COL5A2: variants seen among roughly 807,000 people sequenced by gnomAD.
COL5A2 encodes the protein collagen alpha-2(V) chain.
Under a neutral mutation model 208.2 loss-of-function variants are expected in COL5A2, and 23 were observed. That is an observed-to-expected ratio of 0.11 (90% CI 0.08 to 0.16). The LOEUF is 0.16. Among genes scored for constraint, COL5A2 ranks in the 10% least tolerant of loss-of-function variants. The pLI is 1.00. For synonymous variants in COL5A2, 625 were observed against 628.5 expected (o/e 0.99, Z 0.08); for missense variants, 1,590 against 1,956.4 (o/e 0.81, Z 3.53).
At chr2:189,123,888 G>C (rs1002505981) in intron 1 of COL5A2, among the ~76,000 whole-genome samples, 3 of 152,028 alleles carry the variant, frequency 2.0e-5, no homozygotes, top group Non-Finnish European at 4.4e-5. Context: ...AAAAATATAC[G>C]CCCATAACTA....
At chr2:189,082,092 AG>A (rs1266943627) in intron 12 of COL5A2, among the ~76,000 whole-genome samples, 1 of 152,202 alleles carries the variant, frequency 6.6e-6, no homozygotes, top group Non-Finnish European at 1.5e-5. Flanking sequence ...AACTAAATAA[AG>A]AAATGGTTTG....
chr2:189,265,056 CA>C, the COL5A2 span, among the ~76,000 whole-genome samples: 1 of 152,108 alleles, frequency 6.6e-6, no homozygotes, highest in East Asian at 1.9e-4. Context: ...CCAAAGGTTA[CA>C]AAAATCCCTG....
the COL5A2 span, among the ~76,000 whole-genome samples, chr2:189,397,366 T>C: frequency 2.6e-5 from 4 of 152,270 alleles, no homozygotes; most frequent in Non-Finnish European, 5.9e-5. Flanking sequence ...ACATAAGCAA[T>C]GTAGTAAGAA....
At chr2:189,275,209 A>G in the COL5A2 span, among the ~76,000 whole-genome samples, 1 of 152,056 alleles carries the variant, frequency 6.6e-6, no homozygotes, top group African/African-American at 2.4e-5. Context: ...TTTTGCATAG[A>G]AGTTATTAAT....
the COL5A2 span, among the ~76,000 whole-genome samples, chr2:189,434,560 T>C: frequency 1.3e-5 from 2 of 152,222 alleles, no homozygotes; most frequent in East Asian, 1.9e-4. Flanking sequence ...AAATCATGAG[T>C]GCACTCCCAT....
At chr2:189,403,036 C>T in the COL5A2 span, among the ~76,000 whole-genome samples, 1 of 152,226 alleles carries the variant, frequency 6.6e-6, no homozygotes, top group East Asian at 1.9e-4. Flanking sequence ...TTCTTCCTAT[C>T]CATGAGCATG....
the COL5A2 span, among the ~76,000 whole-genome samples, chr2:189,382,203 T>A: frequency 6.6e-6 from 1 of 152,024 alleles, no homozygotes; most frequent in Non-Finnish European, 1.5e-5. Context: ...GATATACAGC[T>A]CAGTGTTTCT....
At chr2:189,322,210 C>T in the COL5A2 span, among the ~76,000 whole-genome samples, 1 of 152,010 alleles carries the variant, frequency 6.6e-6, no homozygotes, top group Admixed American at 6.5e-5. Flanking sequence ...CACTAAATAC[C>T]CACAAGAGAA....
chr2:189,413,953 G>A, the COL5A2 span, among the ~76,000 whole-genome samples: 6 of 151,846 alleles, frequency 4.0e-5, no homozygotes, highest in East Asian at 1.9e-4. Flanking sequence ...CACTGCGCCC[G>A]GCTAATTTGT....
At chr2:189,230,780 T>A in the COL5A2 span, among the ~76,000 whole-genome samples, 1 of 151,918 alleles carries the variant, frequency 6.6e-6, no homozygotes, top group Admixed American at 6.6e-5. Flanking sequence ...AAAACCAGTA[T>A]AAAGATTCCT....
chr2:189,078,369 A>T (rs1325176272), intron 16 of COL5A2, 147 bp downstream of exon 16: 2 of 705,502 alleles, frequency 2.8e-6, no homozygotes, highest in African/African-American at 3.9e-5. Flanking sequence ...CTTTTCTGTA[A>T]ACCTGACTTT....
At position 189,064,548 on chromosome 2, in the gene COL5A2, T is replaced by C. The variant is rs201934598; in HGVS notation, c.1716+9A>G. 6.1e-5 allele frequency: 97 copies of C among 1,601,516 alleles called. No individual in the cohort carries two copies. In the East Asian group the frequency reaches 2.0e-3, roughly 33 times the overall value. On this transcript the variant is annotated intron_variant, in intron 25 of 53. Transcript: ENST00000374866. ...CCTTTGATGTAGCAAACACTTGCTA[T>C]ATTCTTACCCGAGCACCTGGAAGCC...
the COL5A2 span, among the ~76,000 whole-genome samples, chr2:189,267,738 G>A: frequency 6.6e-6 from 1 of 152,022 alleles, no homozygotes; most frequent in Admixed American, 6.6e-5. Flanking sequence ...GGCAATGTGT[G>A]TCTCACATTA....
chr2:189,247,157 G>A, the COL5A2 span, among the ~76,000 whole-genome samples: 1 of 152,122 alleles, frequency 6.6e-6, no homozygotes, highest in African/African-American at 2.4e-5. Flanking sequence ...AGAAAAAACG[G>A]CCATGGACCA....
chr2:189,390,502 C>T, the COL5A2 span, among the ~76,000 whole-genome samples: 2 of 152,136 alleles, frequency 1.3e-5, no homozygotes, highest in Admixed American at 1.3e-4. Context: ...CAATATGAAT[C>T]ATATGAAATA....
chr2:189,119,909 A>G (rs760483746), intron 1 of COL5A2, among the ~76,000 whole-genome samples: 1 of 152,004 alleles, frequency 6.6e-6, no homozygotes, highest in Non-Finnish European at 1.5e-5. Flanking sequence ...AGTGTGCCTC[A>G]GTTTTTCTAC....
intron 1 of COL5A2, among the ~76,000 whole-genome samples, chr2:189,199,672 T>C (rs1689047430): frequency 6.6e-6 from 1 of 152,158 alleles, no homozygotes; most frequent in South Asian, 2.1e-4. Flanking sequence ...AATCAAAAAG[T>C]AAAATAAAAG....
chr2:189,102,200 C>T (rs951993585), intron 3 of COL5A2, among the ~76,000 whole-genome samples: 3 of 151,840 alleles, frequency 2.0e-5, no homozygotes, highest in Admixed American at 6.6e-5. Flanking sequence ...AATGGAACAG[C>T]CTGCTAAGAA....
chr2:189,269,451 G>A, the COL5A2 span, among the ~76,000 whole-genome samples: 65 of 152,038 alleles, frequency 4.3e-4, 1 homozygote, highest in Admixed American at 2.8e-3. Context: ...GGATGAAAGC[G>A]CGTTGAATTT....
Sources: allele counts gnomAD v4.1 joint callset (sites outside exome capture counted in the v4.1 genomes callset), GRCh38; gene constraint gnomAD v4.1.1; transcripts MANE v1.5; gene names NCBI Gene and HGNC (gene_info 2026-07-23, HGNC 2026-07-21).